PDZRN4: variants seen among roughly 807,000 people sequenced by gnomAD.
PDZRN4 encodes the protein PDZ domain-containing RING finger protein 4.
Under a neutral mutation model 99.0 loss-of-function variants are expected in PDZRN4, and 70 were observed. That is an observed-to-expected ratio of 0.71 (90% CI 0.58 to 0.86). PDZRN4 has a LOEUF of 0.86. Among genes scored for constraint, PDZRN4 ranks in the 40% least tolerant of loss-of-function variants. The pLI is 0.00. For synonymous variants in PDZRN4, 551 were observed against 501.6 expected, an observed-to-expected ratio of 1.10 and a Z score of -1.32; for missense variants, 1,474 against 1,331.2, an observed-to-expected ratio of 1.11 and a Z score of -1.67.
intron 3 of PDZRN4, among the ~76,000 whole-genome samples, chr12:41,388,693 A>G (rs996973646): frequency 6.6e-6 from 1 of 152,182 alleles, no homozygotes; most frequent in Non-Finnish European, 1.5e-5. Flanking sequence ...CATAATTTGG[A>G]AGACAGATTC....
intron 3 of PDZRN4, among the ~76,000 whole-genome samples, chr12:41,503,671 T>C (rs1445753948): frequency 6.6e-6 from 1 of 152,052 alleles, no homozygotes; most frequent in East Asian, 1.9e-4. Flanking sequence ...CAAATAAACA[T>C]TCAGAACACC....
chr12:41,546,670 A>C (rs1368891659), intron 5 of PDZRN4, among the ~76,000 whole-genome samples: 2 of 152,160 alleles, frequency 1.3e-5, no homozygotes, highest in Non-Finnish European at 2.9e-5. Context: ...AAGATACTAC[A>C]TCTAACTGTG....
chr12:41,476,969 C>T (rs574737131), intron 3 of PDZRN4, among the ~76,000 whole-genome samples: 1 of 152,342 alleles, frequency 6.6e-6, no homozygotes, highest in South Asian at 2.1e-4. Flanking sequence ...CACTGTAAGA[C>T]AAGGAGGCTA....
At chr12:41,491,239 C>T (rs924804523) in intron 3 of PDZRN4, among the ~76,000 whole-genome samples, 1 of 151,962 alleles carries the variant, frequency 6.6e-6, no homozygotes, top group Non-Finnish European at 1.5e-5. Flanking sequence ...ACCATGAATC[C>T]TGGCCGGGAG....
intron 4 of PDZRN4, 115 bp downstream of exon 4, chr12:41,506,827 A>T: frequency 1.7e-6 from 2 of 1,185,380 alleles, no homozygotes; most frequent in Non-Finnish European, 2.4e-6. Flanking sequence ...CAGGCTTCCC[A>T]GCTCCGTTTG....
intron 3 of PDZRN4, among the ~76,000 whole-genome samples, chr12:41,424,713 G>T (rs1464687225): frequency 6.6e-6 from 1 of 152,120 alleles, no homozygotes; most frequent in Non-Finnish European, 1.5e-5. Flanking sequence ...TTTATAAAGG[G>T]TTATGTGCAA....
intron 9 of PDZRN4, among the ~76,000 whole-genome samples, chr12:41,570,216 A>G (rs1296994091): frequency 1.1e-4 from 16 of 152,208 alleles, no homozygotes; most frequent in Non-Finnish European, 2.4e-4. Context: ...AATGGTGAGA[A>G]GTACAGAAAC....
chr12:41,210,292 T>A (rs1028786964), intron 3 of PDZRN4, among the ~76,000 whole-genome samples: 2 of 152,122 alleles, frequency 1.3e-5, no homozygotes, highest in Non-Finnish European at 2.9e-5. Context: ...TCCCATTCTG[T>A]TGGTTGCTTG....
intron 3 of PDZRN4, among the ~76,000 whole-genome samples, chr12:41,321,736 CAA>C (rs1452290477): frequency 2.0e-5 from 3 of 152,026 alleles, no homozygotes; most frequent in African/African-American, 7.2e-5. Context: ...CCTTAGGAAA[CAA>C]AGACATAATA....
intron 5 of PDZRN4, among the ~76,000 whole-genome samples, chr12:41,540,122 A>G (rs567340481): frequency 6.6e-6 from 1 of 152,352 alleles, no homozygotes; most frequent in Non-Finnish European, 1.5e-5. Context: ...GACAAAATGT[A>G]GAACCTACCA....
intron 3 of PDZRN4, among the ~76,000 whole-genome samples, chr12:41,348,537 G>A (rs1951869944): frequency 6.6e-6 from 1 of 151,984 alleles, no homozygotes; most frequent in Non-Finnish European, 1.5e-5. Context: ...ATGAAGAAAT[G>A]CCAGTTTCAT....
intron 3 of PDZRN4, among the ~76,000 whole-genome samples, chr12:41,458,625 G>A (rs1379759): frequency 0.52 from 78,620 of 151,964 alleles, 20,882 homozygotes; most frequent in African/African-American, 0.65. Flanking sequence ...GATGAAGTAA[G>A]GAGCTTTGCA....
intron 3 of PDZRN4, among the ~76,000 whole-genome samples, chr12:41,462,651 A>G (rs1952883038): frequency 6.6e-6 from 1 of 152,218 alleles, no homozygotes; most frequent in Admixed American, 6.5e-5. Context: ...GGCAGAGAAC[A>G]TTGATTAATG....
intron 3 of PDZRN4, among the ~76,000 whole-genome samples, chr12:41,398,697 G>A (rs1767578008): frequency 6.6e-6 from 1 of 152,040 alleles, no homozygotes; most frequent in African/African-American, 2.4e-5. Context: ...CACAACTGAA[G>A]CCTATTCAGT....
chr12:41,351,664 T>C (rs1951891342), intron 3 of PDZRN4, among the ~76,000 whole-genome samples: 1 of 151,842 alleles, frequency 6.6e-6, no homozygotes, highest in South Asian at 2.1e-4. Flanking sequence ...AGGGGGAAGT[T>C]CACCCTCATG....
chr12:41,453,606 G>C (rs76902374), intron 3 of PDZRN4, among the ~76,000 whole-genome samples: 1 of 152,160 alleles, frequency 6.6e-6, no homozygotes, highest in South Asian at 2.1e-4. Context: ...TGCTGCCACG[G>C]TCACCTCATC....
chr12:41,213,330 G>C (rs1950899832), intron 3 of PDZRN4, among the ~76,000 whole-genome samples: 2 of 151,998 alleles, frequency 1.3e-5, no homozygotes, highest in African/African-American at 4.8e-5. Flanking sequence ...TTTCGATGAG[G>C]GGTTTGGCAG....
intron 3 of PDZRN4, among the ~76,000 whole-genome samples, chr12:41,367,367 AG>A (rs1174290616): frequency 6.6e-6 from 1 of 151,836 alleles, no homozygotes; most frequent in Non-Finnish European, 1.5e-5. Flanking sequence ...AAAATTAACC[AG>A]GCATGGTGGT....
Position 41,347,560 on chromosome 12 carries a change from T to A in PDZRN4, c.843+153372T>A, listed in dbSNP as rs142326855. 2.6e-4 allele frequency among the ~76,000 whole-genome samples: 40 copies of A among 152,308 alleles called. No homozygotes were observed. The East Asian group carries it at 6.9e-3, about 26-fold the overall frequency. The stretch of plus-strand genomic sequence containing the variant: ...TTGTGTACAAGTTCCTTATCAGATG[T>A]GTGCTTTGGCAAATACTTTTTCTTA... On this transcript the variant is annotated intron_variant, in intron 3 of 9. Coordinates refer to ENST00000402685, the MANE Select transcript of PDZRN4 (RefSeq NM_001164595.2).
Sources: allele counts gnomAD v4.1 joint callset (sites outside exome capture counted in the v4.1 genomes callset), GRCh38; gene constraint gnomAD v4.1.1; transcripts MANE v1.5; gene names NCBI Gene and HGNC (gene_info 2026-07-23, HGNC 2026-07-21).